Variants in ZSWIM6 observed in about 807,000 individuals in gnomAD.
ZSWIM6 encodes zinc finger SWIM domain-containing protein 6.
In ZSWIM6, 9 loss-of-function variants were observed where a neutral mutation model predicts 113.2. That is an observed-to-expected ratio of 0.08 (90% CI 0.05 to 0.14). ZSWIM6 has a LOEUF of 0.14. Among genes scored for constraint, ZSWIM6 ranks in the 10% least tolerant of loss-of-function variants. The pLI, the probability that ZSWIM6 is intolerant of heterozygous loss-of-function variation, is 1.00. For synonymous variants in ZSWIM6, 611 were observed against 606.5 expected, an observed-to-expected ratio of 1.01 and a Z score of -0.11; for missense variants, 1,162 against 1,552.2, an observed-to-expected ratio of 0.75 and a Z score of 4.22.
chr5:61,490,516 A>G (rs957876882), intron 2 of ZSWIM6, among the ~76,000 whole-genome samples: 2 of 152,126 alleles, frequency 1.3e-5, no homozygotes. Context: ...TTGATTTTTT[A>G]GAGAACCTAT....
intron 1 of ZSWIM6, among the ~76,000 whole-genome samples, chr5:61,389,554 C>CAAAAAAA (rs60533774): frequency 1.6e-4 from 8 of 50,952 alleles, no homozygotes; most frequent in Non-Finnish European, 2.3e-4. Context: ...GACTCAGTCT[C>CAAAAAAA]AAAAAAAAAA....
rs560584827 is a variant in ZSWIM6, at chr5:61,505,905, C to T, written c.1333+11495C>T. Among the ~76,000 whole-genome samples the T allele has an allele frequency of 9.9e-5, 15 of 151,888 alleles. No individual in the cohort carries two copies. The South Asian group carries it at 3.1e-3, about 32-fold the overall frequency. The stretch of plus-strand genomic sequence containing the variant: ...GGGATTACAGGCGTCCACCACCATG[C>T]CCAGCTAATTTTTTGTATTTTTAGT... On this transcript the variant is annotated intron_variant, in intron 4 of 13. Transcript: ENST00000252744.
Position 61,388,185 on chromosome 5 carries a change from G to A in ZSWIM6, c.676+55237G>A, listed in dbSNP as rs537885966. ...TTTAGTAAAGATGGGGTTTCATCATGTTGGCCAGACTGGTCTCAAACTCCT... is the reference window on the plus strand; with the variant it reads ...TTTAGTAAAGATGGGGTTTCATCATATTGGCCAGACTGGTCTCAAACTCCT... On this transcript the variant is annotated intron_variant, in intron 1 of 13. Transcript: ENST00000252744. 3.3e-5 allele frequency among the ~76,000 whole-genome samples: 5 copies of A among 151,994 alleles called. No homozygotes were observed. In the South Asian group the frequency reaches 6.2e-4, roughly 19 times the overall value.
At position 61,510,122 on chromosome 5, in the gene ZSWIM6, T is replaced by C. The variant is rs540072872; in HGVS notation, c.1334-11141T>C. 5.3e-5 allele frequency among the ~76,000 whole-genome samples: 8 copies of C among 151,794 alleles called. No homozygotes were observed. The South Asian group carries it at 1.5e-3, about 28-fold the overall frequency. Reference sequence around the variant, plus strand: ...CTCAGTGTGCTTGCCTAAGGTCTTATGGCTGGTAATCCATATCTTAACCTT... The same window carrying C: ...CTCAGTGTGCTTGCCTAAGGTCTTACGGCTGGTAATCCATATCTTAACCTT... On this transcript the variant is annotated intron_variant, in intron 4 of 13. Coordinates refer to ENST00000252744, the MANE Select transcript of ZSWIM6 (RefSeq NM_020928.2).
At chr5:61,357,842 A>G (rs1176025001) in intron 1 of ZSWIM6, among the ~76,000 whole-genome samples, 2 of 152,084 alleles carry the variant, frequency 1.3e-5, no homozygotes, top group East Asian at 3.9e-4. Flanking sequence ...GTAAATTTGG[A>G]AACCTTACCT....
intron 1 of ZSWIM6, among the ~76,000 whole-genome samples, chr5:61,410,754 G>A (rs1215743074): frequency 6.6e-6 from 1 of 152,114 alleles, no homozygotes; most frequent in African/African-American, 2.4e-5. Context: ...CAAATATTAA[G>A]GTCATTTCAT....
chr5:61,411,116 C>T (rs1325272443), intron 1 of ZSWIM6, among the ~76,000 whole-genome samples: 5 of 152,128 alleles, frequency 3.3e-5, no homozygotes, highest in African/African-American at 4.8e-5. Context: ...CTGGGAGGTC[C>T]TGTGCTCTAG....
chr5:61,357,485 G>A (rs1744939955), intron 1 of ZSWIM6, among the ~76,000 whole-genome samples: 1 of 151,750 alleles, frequency 6.6e-6, no homozygotes, highest in African/African-American at 2.4e-5. Flanking sequence ...GATGGAAGGA[G>A]TGGGAGAAAT....
chr5:61,527,962 G>A (rs1179064229), intron 7 of ZSWIM6, among the ~76,000 whole-genome samples: 2 of 152,196 alleles, frequency 1.3e-5, no homozygotes, highest in Non-Finnish European at 1.5e-5. Context: ...TTGTCTTTGA[G>A]ATAATTCTGT....
chr5:61,406,655 G>T (rs978133912), intron 1 of ZSWIM6, among the ~76,000 whole-genome samples: 1 of 151,724 alleles, frequency 6.6e-6, no homozygotes, highest in African/African-American at 2.4e-5. Flanking sequence ...AGTCTTTAAA[G>T]GTGGCATATG....
chr5:61,464,663 A>G (rs779144001), intron 1 of ZSWIM6, among the ~76,000 whole-genome samples: 53 of 151,960 alleles, frequency 3.5e-4, no homozygotes, highest in Middle Eastern at 3.2e-3. Context: ...AAAGGCCTAC[A>G]TTTCTCCCCT....
intron 1 of ZSWIM6, among the ~76,000 whole-genome samples, chr5:61,417,957 T>C (rs780427662): frequency 2.6e-5 from 4 of 152,190 alleles, no homozygotes; most frequent in Non-Finnish European, 5.9e-5. Context: ...TCGAAGGTAC[T>C]TTATTGGTGA....
chr5:61,526,094 G>C (rs932890165), intron 6 of ZSWIM6, 118 bp downstream of exon 6: 2 of 1,409,266 alleles, frequency 1.4e-6, no homozygotes, highest in Non-Finnish European at 1.9e-6. Flanking sequence ...ATGAATGCTT[G>C]GCAATAGGAG....
chr5:61,362,490 G>A (rs544109655), intron 1 of ZSWIM6, among the ~76,000 whole-genome samples: 106 of 152,224 alleles, frequency 7.0e-4, no homozygotes, highest in African/African-American at 2.4e-3. Context: ...GAGCCACTGT[G>A]CCCAGCTTTA....
chr5:61,340,823 A>G (rs1158055863), intron 1 of ZSWIM6, among the ~76,000 whole-genome samples: 6 of 152,224 alleles, frequency 3.9e-5, no homozygotes, highest in Admixed American at 2.6e-4. Flanking sequence ...GTATTCCTAG[A>G]TAGCATTTTA....
rs1187623670 is a variant in ZSWIM6, at chr5:61,543,913, C to A, written c.3244C>A (p.Leu1082Ile). 3 of 1,551,888 alleles carry A rather than the reference C, an allele frequency of 1.9e-6. No homozygotes were observed. Among genetic ancestry groups the A allele is most frequent in the South Asian group, 1.2e-5 (1 of 84,062 alleles). The change falls in exon 14 of 14, where the codon CTT becomes ATT. Residue 1082 changes from leucine to isoleucine, a missense_variant. Leu to Ile is a conservative substitution (Grantham distance 5, BLOSUM62 2). Coordinates refer to ENST00000252744, the MANE Select transcript of ZSWIM6 (RefSeq NM_020928.2). The surrounding 1 kb of genome is among the most constrained non-coding windows in gnomAD (Gnocchi z 4.3). ...VLWACALSHS[L>I]GKNELAAIIP... ...GTGGGCCTGTGCGCTTAGCCACTCC[C>A]TTGGTAAAAATGAGCTTGCAGCTAT...
intron 1 of ZSWIM6, among the ~76,000 whole-genome samples, chr5:61,435,443 G>A (rs1206180899): frequency 2.6e-5 from 4 of 152,084 alleles, no homozygotes; most frequent in Admixed American, 6.6e-5. Context: ...TTAGTGTTTC[G>A]CCTAGGTACT....
intron 1 of ZSWIM6, among the ~76,000 whole-genome samples, chr5:61,344,145 T>C (rs1483631045): frequency 6.6e-6 from 1 of 152,198 alleles, no homozygotes; most frequent in African/African-American, 2.4e-5. Flanking sequence ...TCCATCCACC[T>C]TGGCCTCCCA....
At chr5:61,360,121 C>A (rs150409197) in intron 1 of ZSWIM6, among the ~76,000 whole-genome samples, 19 of 152,308 alleles carry the variant, frequency 1.2e-4, no homozygotes, top group African/African-American at 4.6e-4. Flanking sequence ...GCATGCCCTG[C>A]AGGTCTGCTG....
Sources: gnomAD v4.1 joint callset for allele counts (sites outside exome capture counted in the v4.1 genomes callset) on GRCh38, gnomAD v4.1.1 for gene constraint, Gnocchi (gnomAD v3.1) non-coding constraint, MANE v1.5 for transcripts, NCBI Gene and HGNC (gene_info 2026-07-23, HGNC 2026-07-21) for gene names.